RBFOX1: variants seen among roughly 807,000 people sequenced by gnomAD.
The protein encoded by RBFOX1 is RNA binding protein fox-1 homolog 1.
Under a neutral mutation model 57.7 loss-of-function variants are expected in RBFOX1, and 8 were observed. That is an observed-to-expected ratio of 0.14 (90% CI 0.08 to 0.25). The LOEUF (loss-of-function observed/expected upper bound fraction) is 0.25, where lower values mean the gene tolerates loss of function less well. RBFOX1 is among the 10% of genes least tolerant of loss of function. The pLI, the probability that RBFOX1 is intolerant of heterozygous loss-of-function variation, is 1.00. For missense variants in RBFOX1, 611 were observed against 548.5 expected, an observed-to-expected ratio of 1.11 and a Z score of -1.14; for synonymous variants, 326 against 222.4, an observed-to-expected ratio of 1.47 and a Z score of -4.15.
intron 4 of RBFOX1, among the ~76,000 whole-genome samples, chr16:7,087,351 A>G (rs2151030273): frequency 6.6e-6 from 1 of 152,220 alleles, no homozygotes; most frequent in East Asian, 1.9e-4. Context: ...GCCATCAGGA[A>G]ATGGTGTAGT....
At chr16:7,179,324 A>T (rs1227132132) in intron 4 of RBFOX1, among the ~76,000 whole-genome samples, 1 of 152,124 alleles carries the variant, frequency 6.6e-6, no homozygotes, top group Admixed American at 6.5e-5. Context: ...ACATTCTCAA[A>T]GCACCGCTTT....
intron 3 of RBFOX1, among the ~76,000 whole-genome samples, chr16:6,867,062 T>A (rs1414417946): frequency 6.6e-6 from 1 of 152,030 alleles, no homozygotes; most frequent in African/African-American, 2.4e-5. Context: ...ATTATGAGTT[T>A]GTATTTAAAA....
At chr16:6,338,703 C>G (rs1474973154) in intron 2 of RBFOX1, among the ~76,000 whole-genome samples, 1 of 152,174 alleles carries the variant, frequency 6.6e-6, no homozygotes, top group East Asian at 1.9e-4. Flanking sequence ...CAATGGCACT[C>G]AAGAGACCTG....
At chr16:6,872,788 T>G (rs1486331553) in intron 3 of RBFOX1, among the ~76,000 whole-genome samples, 2 of 152,170 alleles carry the variant, frequency 1.3e-5, no homozygotes, top group African/African-American at 4.8e-5. Flanking sequence ...AGATAAGAGT[T>G]GAATTGATGC....
intron 1 of RBFOX1, among the ~76,000 whole-genome samples, chr16:6,163,676 T>G (rs1411383492): frequency 6.6e-6 from 1 of 152,224 alleles, no homozygotes; most frequent in Non-Finnish European, 1.5e-5. Flanking sequence ...CTTTCCAAAA[T>G]GTTTCCGCAG....
At chr16:5,898,862 T>C (rs901286008) in intron 4 of RBFOX1, among the ~76,000 whole-genome samples, 2 of 148,542 alleles carry the variant, frequency 1.3e-5, no homozygotes, top group African/African-American at 5.0e-5. Context: ...GCATTTGAGA[T>C]CAGCCTGGGC....
chr16:6,763,223 T>C lies in RBFOX1; in HGVS notation c.-16+108573T>C, dbSNP rs551302483. Among the ~76,000 whole-genome samples, 3 of 152,348 alleles carry C rather than the reference T, an allele frequency of 2.0e-5. No homozygotes were observed. The South Asian group carries it at 6.2e-4, about 32-fold the overall frequency. ...TCAAGTGGAAGATGTTCAATAATTATTTGTTGAAGGAATGAATTAATCAAT... is the reference window on the plus strand; with the variant it reads ...TCAAGTGGAAGATGTTCAATAATTACTTGTTGAAGGAATGAATTAATCAAT... On this transcript the variant is annotated intron_variant, in intron 3 of 15. Coordinates refer to ENST00000550418, the MANE Select transcript of RBFOX1 (RefSeq NM_018723.4).
chr16:7,366,418 A>C lies in RBFOX1; in HGVS notation c.28-151729A>C, dbSNP rs1412582652. On this transcript the variant is annotated intron_variant, in intron 4 of 15. Coordinates refer to ENST00000550418, the MANE Select transcript of RBFOX1 (RefSeq NM_018723.4). The stretch of plus-strand genomic sequence containing the variant: ...CGCCCTGACATTTATGGCTGAGCCG[A>C]GTTTGGCCTTGAAAAAAATCATCCG... Among the ~76,000 whole-genome samples the C allele has an allele frequency of 1.4e-4, 22 of 151,908 alleles. 1 individual carries two copies.
chr16:7,384,765 A>G (rs997966117), intron 4 of RBFOX1, among the ~76,000 whole-genome samples: 7 of 152,216 alleles, frequency 4.6e-5, no homozygotes, highest in African/African-American at 1.4e-4. Context: ...ATATTTATTG[A>G]ATGCCAACCC....
At chr16:5,308,285 C>G (rs1392484751) in intron 1 of RBFOX1, among the ~76,000 whole-genome samples, 2 of 151,770 alleles carry the variant, frequency 1.3e-5, no homozygotes, top group African/African-American at 4.8e-5. Flanking sequence ...TGAGATTGCG[C>G]CACTACACTC....
intron 3 of RBFOX1, among the ~76,000 whole-genome samples, chr16:6,925,660 G>C (rs1038381792): frequency 6.6e-6 from 1 of 151,846 alleles, no homozygotes; most frequent in Non-Finnish European, 1.5e-5. Flanking sequence ...CTTAGGGTAG[G>C]GCCTGGAATG....
intron 4 of RBFOX1, among the ~76,000 whole-genome samples, chr16:7,287,538 G>C (rs1469213680): frequency 1.3e-5 from 2 of 152,174 alleles, no homozygotes; most frequent in Non-Finnish European, 2.9e-5. Context: ...GGGTATAATA[G>C]GCAAGAAGTG....
chr16:6,110,511 C>G (rs1361322654), intron 1 of RBFOX1, among the ~76,000 whole-genome samples: 1 of 152,104 alleles, frequency 6.6e-6, no homozygotes, highest in Non-Finnish European at 1.5e-5. Flanking sequence ...ATGATGTGGA[C>G]TTAATGGCAG....
chr16:6,486,032 CT>C (rs2095473667), intron 2 of RBFOX1, among the ~76,000 whole-genome samples: 1 of 135,970 alleles, frequency 7.4e-6, no homozygotes, highest in Non-Finnish European at 1.6e-5. Flanking sequence ...TTTTTTTCCT[CT>C]CTCTACTAGG....
intron 3 of RBFOX1, among the ~76,000 whole-genome samples, chr16:6,882,726 C>T (rs892589289): frequency 1.3e-5 from 2 of 152,068 alleles, no homozygotes; most frequent in Non-Finnish European, 2.9e-5. Context: ...TCTGACATAA[C>T]CAACGGCAAC....
At chr16:5,705,450 AG>A (rs1567422752) in intron 3 of RBFOX1, among the ~76,000 whole-genome samples, 2 of 152,136 alleles carry the variant, frequency 1.3e-5, no homozygotes, top group African/African-American at 2.4e-5. Flanking sequence ...TTTGCGGAGA[AG>A]GGGTTCTCAC....
At chr16:5,569,905 A>C (rs2046219174) in intron 2 of RBFOX1, among the ~76,000 whole-genome samples, 1 of 152,348 alleles carries the variant, frequency 6.6e-6, no homozygotes, top group Non-Finnish European at 1.5e-5. Flanking sequence ...TCAAAGAACA[A>C]GACGTAATGT....
chr16:6,857,244 T>G (rs2058075419), intron 3 of RBFOX1, among the ~76,000 whole-genome samples: 1 of 152,184 alleles, frequency 6.6e-6, no homozygotes, highest in African/African-American at 2.4e-5. Flanking sequence ...ACAATATTGA[T>G]AACTCCCCAA....
rs549191794 is a variant in RBFOX1, at chr16:7,702,995, A to T, written c.996-6061A>T. On this transcript the variant is annotated intron_variant, in intron 14 of 15. Transcript: ENST00000550418. ...CCTGGTGCCCCAGAGCACCCCAACC[A>T]GGGGGGTAGACAGCAGAACTGCTAA... 6.6e-5 allele frequency among the ~76,000 whole-genome samples: 10 copies of T among 152,250 alleles called. No individual in the cohort carries two copies. The South Asian group carries it at 1.9e-3, about 29-fold the overall frequency.
Sources: gnomAD v4.1 joint callset for allele counts (sites outside exome capture counted in the v4.1 genomes callset) on GRCh38, gnomAD v4.1.1 for gene constraint, MANE v1.5 for transcripts, NCBI Gene and HGNC (gene_info 2026-07-23, HGNC 2026-07-21) for gene names.